The following ANGPT1 variants were observed in gnomAD, a reference collection of about 807,000 sequenced individuals.
ANGPT1 encodes angiopoietin-1.
Under a neutral mutation model 62.2 loss-of-function variants are expected in ANGPT1, and 17 were observed. That is an observed-to-expected ratio of 0.27 (90% CI 0.19 to 0.41). ANGPT1 has a LOEUF of 0.41. ANGPT1 is among the 10% of genes least tolerant of loss of function. The pLI, the probability that ANGPT1 is intolerant of heterozygous loss-of-function variation, is 1.00. For synonymous variants in ANGPT1, 199 were observed against 198.9 expected (o/e 1.00, Z 0.00); for missense variants, 478 against 594.9 (o/e 0.80, Z 2.04).
chr8:107,424,413 T>C (rs1356842457), intron 1 of ANGPT1, among the ~76,000 whole-genome samples: 1 of 152,240 alleles, frequency 6.6e-6, no homozygotes, highest in Non-Finnish European at 1.5e-5. Flanking sequence ...GAAGACACTG[T>C]ACTCAGGGAT....
intron 1 of ANGPT1, among the ~76,000 whole-genome samples, chr8:107,420,776 A>G (rs1810876716): frequency 6.6e-6 from 1 of 152,120 alleles, no homozygotes; most frequent in African/African-American, 2.4e-5. Context: ...ACACATAAGA[A>G]CTTTGTAAGA....
chr8:107,283,654 A>C (rs1241683055), intron 7 of ANGPT1, among the ~76,000 whole-genome samples: 2 of 152,204 alleles, frequency 1.3e-5, no homozygotes, highest in African/African-American at 4.8e-5. Flanking sequence ...CAATTACTTG[A>C]AGCAATGTGC....
intron 8 of ANGPT1, among the ~76,000 whole-genome samples, chr8:107,262,986 T>C (rs1385372964): frequency 6.6e-6 from 1 of 152,194 alleles, no homozygotes; most frequent in East Asian, 1.9e-4. Flanking sequence ...TACAGAATAT[T>C]GTGAATGCAT....
chr8:107,264,497 G>A (rs1813569135), intron 7 of ANGPT1, 146 bp from the exon 8 acceptor site: 6 of 977,592 alleles, frequency 6.1e-6, no homozygotes, highest in Non-Finnish European at 8.8e-6. Context: ...GGAGACCCAA[G>A]CTATCTGAAC....
chr8:107,359,203 A>G (rs1816109940), intron 1 of ANGPT1, among the ~76,000 whole-genome samples: 1 of 152,124 alleles, frequency 6.6e-6, no homozygotes, highest in Non-Finnish European at 1.5e-5. Flanking sequence ...CCAACGCCTG[A>G]CTTACTCCGA....
intron 7 of ANGPT1, 53 bp downstream of exon 7, chr8:107,284,629 T>TTTCCC (rs1458596904): frequency 1.5e-6 from 2 of 1,317,300 alleles, no homozygotes; most frequent in African/African-American, 3.0e-5. Context: ...CCACTACAAT[T>TTTCCC]ATTAAGTGGC....
chr8:107,438,959 T>C (rs1255262418), intron 1 of ANGPT1, among the ~76,000 whole-genome samples: 2 of 152,212 alleles, frequency 1.3e-5, no homozygotes, highest in South Asian at 2.1e-4. Flanking sequence ...AAACAACATA[T>C]TATTTTTACA....
chr8:107,326,095 C>T (rs1054767892), intron 3 of ANGPT1, among the ~76,000 whole-genome samples: 3 of 152,066 alleles, frequency 2.0e-5, no homozygotes, highest in African/African-American at 7.2e-5. Context: ...CTTTAATGCT[C>T]CCTTACTAGC....
chr8:107,441,743 C>T (rs1484080449), intron 1 of ANGPT1, among the ~76,000 whole-genome samples: 1 of 152,056 alleles, frequency 6.6e-6, no homozygotes, highest in Non-Finnish European at 1.5e-5. Flanking sequence ...CCTGGTGTGG[C>T]TCTTATCTAA....
intron 1 of ANGPT1, among the ~76,000 whole-genome samples, chr8:107,369,082 G>T (rs1816329130): frequency 6.6e-6 from 1 of 152,070 alleles, no homozygotes; most frequent in Admixed American, 6.6e-5. Context: ...TCAATATAAA[G>T]TTGTTTCACC....
intron 1 of ANGPT1, among the ~76,000 whole-genome samples, chr8:107,462,914 T>C (rs1243389477): frequency 6.6e-6 from 1 of 152,080 alleles, no homozygotes; most frequent in Non-Finnish European, 1.5e-5. Flanking sequence ...TCCCTTAGAC[T>C]TATAAAAGAA....
intron 1 of ANGPT1, among the ~76,000 whole-genome samples, chr8:107,421,866 CATG>C (rs1330522548): frequency 6.6e-6 from 1 of 152,142 alleles, no homozygotes; most frequent in Non-Finnish European, 1.5e-5. Context: ...TGTCCATAAG[CATG>C]ATAATTCATG....
At chr8:107,326,633 T>A (rs1195110361) in intron 3 of ANGPT1, among the ~76,000 whole-genome samples, 1 of 152,138 alleles carries the variant, frequency 6.6e-6, no homozygotes, top group Admixed American at 6.6e-5. Flanking sequence ...ATGGTTTCAA[T>A]GCAAACCTCA....
intron 1 of ANGPT1, among the ~76,000 whole-genome samples, chr8:107,399,788 C>T (rs1248771535): frequency 6.6e-6 from 1 of 152,106 alleles, no homozygotes; most frequent in Non-Finnish European, 1.5e-5. Context: ...GTCAGTCACA[C>T]CCGCAAACAC....
intron 1 of ANGPT1, among the ~76,000 whole-genome samples, chr8:107,391,208 C>A (rs888682529): frequency 1.3e-5 from 2 of 152,160 alleles, no homozygotes; most frequent in African/African-American, 4.8e-5. Flanking sequence ...TGGTTCCCAT[C>A]ATAATGTGGG....
intron 1 of ANGPT1, among the ~76,000 whole-genome samples, chr8:107,392,970 T>A (rs188626352): frequency 2.8e-4 from 42 of 152,290 alleles, no homozygotes; most frequent in African/African-American, 9.9e-4. Context: ...GAAGCCAAAC[T>A]ATATTGTTTT....
In ANGPT1 at chr8:107,251,765, G is replaced by T; in HGVS notation, c.*90C>A. 6.8e-7 allele frequency: 1 copy of T among 1,475,564 alleles called. No individual in the cohort carries two copies. The allele number at this position is 1,475,564 out of a possible 1,614,324, so 91.4% of individuals were successfully genotyped here. A position where few individuals can be genotyped will look rare whatever the true frequency, so the allele number is the denominator to read the frequency against. ...TTATTGCTGGAAGGGAGACAATATT[G>T]TTTGCTTCTGAAGTTTTCAAACAGT... On this transcript the variant is annotated 3_prime_UTR_variant, in exon 9 of 9. Coordinates refer to ENST00000517746, the MANE Select transcript of ANGPT1 (RefSeq NM_001146.5).
chr8:107,464,401 T>G (rs1812148327), intron 1 of ANGPT1, among the ~76,000 whole-genome samples: 1 of 152,084 alleles, frequency 6.6e-6, no homozygotes, highest in Non-Finnish European at 1.5e-5. Context: ...CTATTTTTGT[T>G]TACACTCGCT....
At chr8:107,411,096 T>A (rs1331690978) in intron 1 of ANGPT1, among the ~76,000 whole-genome samples, 1 of 152,150 alleles carries the variant, frequency 6.6e-6, no homozygotes, top group Non-Finnish European at 1.5e-5. Context: ...TATTTAAAGA[T>A]GTTTTAAAAA....
Sources: allele counts gnomAD v4.1 joint callset (sites outside exome capture counted in the v4.1 genomes callset), GRCh38; gene constraint gnomAD v4.1.1; transcripts MANE v1.5; gene names NCBI Gene and HGNC (gene_info 2026-07-23, HGNC 2026-07-21).